The following CPEB3 variants were observed in gnomAD, a reference collection of about 807,000 sequenced individuals.
The protein encoded by CPEB3 is cytoplasmic polyadenylation element-binding protein 3.
Under a neutral mutation model 67.2 loss-of-function variants are expected in CPEB3, and 20 were observed. The observed-to-expected ratio is 0.30, with a 90% CI of 0.21 to 0.43. CPEB3 has a LOEUF of 0.43. Among genes scored for constraint, CPEB3 ranks in the 20% least tolerant of loss-of-function variants. The pLI is 1.00. For synonymous variants in CPEB3, 376 were observed against 393.1 expected (o/e 0.96, Z 0.51); for missense variants, 746 against 968.6 (o/e 0.77, Z 3.05).
At chr10:92,260,542 ACTC>A (rs1210457094) in intron 1 of CPEB3, among the ~76,000 whole-genome samples, 2 of 139,384 alleles carry the variant, frequency 1.4e-5, no homozygotes, top group South Asian at 2.3e-4. Flanking sequence ...CAAGAGCAAA[ACTC>A]CTTCTCAAAA....
At chr10:92,143,706 T>C (rs1028279029) in intron 5 of CPEB3, among the ~76,000 whole-genome samples, 1 of 152,186 alleles carries the variant, frequency 6.6e-6, no homozygotes, top group Admixed American at 6.5e-5. Flanking sequence ...CTCTGACATA[T>C]GACTCAAAGC....
chr10:92,214,134 T>C (rs1850227852), intron 2 of CPEB3, among the ~76,000 whole-genome samples: 1 of 152,138 alleles, frequency 6.6e-6, no homozygotes, highest in African/African-American at 2.4e-5. Context: ...TTAATCTCCA[T>C]TGTGGTGATA....
At chr10:92,149,521 C>G (rs1846857997) in intron 4 of CPEB3, among the ~76,000 whole-genome samples, 1 of 152,166 alleles carries the variant, frequency 6.6e-6, no homozygotes, top group Admixed American at 6.5e-5. Flanking sequence ...AACATAACCA[C>G]AGCTCAGAGT....
intron 6 of CPEB3, among the ~76,000 whole-genome samples, chr10:92,139,357 A>T (rs1846278538): frequency 6.6e-6 from 1 of 152,166 alleles, no homozygotes; most frequent in Admixed American, 6.5e-5. Context: ...CACGAAAAAA[A>T]AGAGTCCTGT....
intron 9 of CPEB3, among the ~76,000 whole-genome samples, chr10:92,058,244 C>T (rs1297130287): frequency 1.3e-5 from 2 of 152,074 alleles, no homozygotes; most frequent in East Asian, 3.9e-4. Context: ...AAGGATATCA[C>T]AATTTTAAAT....
chr10:92,169,852 A>G (rs527396644), intron 4 of CPEB3, among the ~76,000 whole-genome samples: 5 of 152,300 alleles, frequency 3.3e-5, no homozygotes, highest in South Asian at 2.1e-4. Context: ...TCCATATTCC[A>G]TATCAGACTG....
chr10:92,069,796 G>A (rs560102334), intron 9 of CPEB3, among the ~76,000 whole-genome samples: 1 of 152,234 alleles, frequency 6.6e-6, no homozygotes, highest in Non-Finnish European at 1.5e-5. Context: ...ATAGAGTCAC[G>A]GGAACACTTT....
chr10:92,250,766 T>C (rs1005691019), intron 1 of CPEB3, among the ~76,000 whole-genome samples: 4 of 151,810 alleles, frequency 2.6e-5, no homozygotes, highest in Non-Finnish European at 5.9e-5. Flanking sequence ...TGCGGCTCAC[T>C]GCAACCTCCA....
At chr10:92,221,492 CA>C (rs371330103) in intron 2 of CPEB3, among the ~76,000 whole-genome samples, 1 of 152,102 alleles carries the variant, frequency 6.6e-6, no homozygotes, top group African/African-American at 2.4e-5. Context: ...GACTCCATCT[CA>C]AAAAAATAAA....
At chr10:92,091,406 A>C (rs549146808) in intron 8 of CPEB3, among the ~76,000 whole-genome samples, 3 of 152,232 alleles carry the variant, frequency 2.0e-5, no homozygotes, top group African/African-American at 4.8e-5. Context: ...CTCTCCAGTC[A>C]ATTATGATTC....
At chr10:92,058,054 C>T (rs1305893685) in intron 9 of CPEB3, among the ~76,000 whole-genome samples, 1 of 152,086 alleles carries the variant, frequency 6.6e-6, no homozygotes, top group African/African-American at 2.4e-5. Flanking sequence ...CATTTACTAG[C>T]ATCAACACCA....
intron 7 of CPEB3, among the ~76,000 whole-genome samples, chr10:92,102,193 G>A (rs142861477): frequency 1.3e-5 from 2 of 152,318 alleles, no homozygotes; most frequent in East Asian, 1.9e-4. Flanking sequence ...GGGTAGTGGA[G>A]AGAAAGGAGT....
At chr10:92,228,317 T>C (rs2134524922) in intron 2 of CPEB3, among the ~76,000 whole-genome samples, 1 of 152,344 alleles carries the variant, frequency 6.6e-6, no homozygotes, top group African/African-American at 2.4e-5. Context: ...CATAAACTCA[T>C]AAACTTTACT....
At position 92,254,792 on chromosome 10, in the gene CPEB3, AG is replaced by A. The variant is rs1360695466; in HGVS notation, c.-11-14432del. 3.3e-5 allele frequency among the ~76,000 whole-genome samples: 5 copies of A among 151,922 alleles called. No individual in the cohort carries two copies. In the East Asian group the frequency reaches 7.7e-4, roughly 23 times the overall value. ...TCCCACCTCAGTCTCCCAAGTACCTAGGACTACCGGCATATACCACCACACC... is the reference window on the plus strand; with the variant it reads ...TCCCACCTCAGTCTCCCAAGTACCTAGACTACCGGCATATACCACCACACC... On this transcript the variant is annotated intron_variant, in intron 1 of 9. Coordinates refer to ENST00000265997, the MANE Select transcript of CPEB3 (RefSeq NM_014912.5).
At chr10:92,092,108 T>G (rs1304451805) in intron 7 of CPEB3, among the ~76,000 whole-genome samples, 164 bp from the exon 8 acceptor site, 1 of 152,238 alleles carries the variant, frequency 6.6e-6, no homozygotes, top group African/African-American at 2.4e-5. Flanking sequence ...TACCTTTCAA[T>G]AGAACTCTTG....
intron 4 of CPEB3, among the ~76,000 whole-genome samples, chr10:92,178,649 T>C (rs529753920): frequency 6.6e-6 from 1 of 152,064 alleles, no homozygotes; most frequent in Non-Finnish European, 1.5e-5. Context: ...AAGACCAGCC[T>C]GGGCAACATA....
intron 4 of CPEB3, among the ~76,000 whole-genome samples, chr10:92,153,109 C>G (rs551728035): frequency 1.6e-4 from 24 of 152,302 alleles, no homozygotes; most frequent in African/African-American, 5.8e-4. Context: ...AGAAAATTCT[C>G]CGATTCACGT....
chr10:92,109,038 G>T (rs765844224), intron 7 of CPEB3, among the ~76,000 whole-genome samples: 8 of 152,126 alleles, frequency 5.3e-5, no homozygotes, highest in Non-Finnish European at 8.8e-5. Context: ...TTCATCTCTA[G>T]CTTCTTAACC....
intron 3 of CPEB3, among the ~76,000 whole-genome samples, chr10:92,189,698 ATTTTTTT>A (rs1035403421): frequency 1.1e-5 from 1 of 88,056 alleles, no homozygotes; most frequent in Non-Finnish European, 2.2e-5. Context: ...GTCTCTAGTG[ATTTTTTT>A]TTTTTTTTTT....
Sources: allele counts gnomAD v4.1 joint callset (sites outside exome capture counted in the v4.1 genomes callset), GRCh38; gene constraint gnomAD v4.1.1; transcripts MANE v1.5; gene names NCBI Gene and HGNC (gene_info 2026-07-23, HGNC 2026-07-21).